The following IMMT variants were observed in gnomAD, a reference collection of about 807,000 sequenced individuals.
IMMT encodes inner membrane mitochondrial protein.
Under a neutral mutation model 92.7 loss-of-function variants are expected in IMMT, and 40 were observed. That is an observed-to-expected ratio of 0.43 (90% confidence interval 0.34 to 0.56). IMMT has a LOEUF of 0.56. Among genes scored for constraint, IMMT ranks in the 20% least tolerant of loss-of-function variants. The pLI is 0.03. For missense variants in IMMT, 831 were observed against 912.1 expected (o/e 0.91, Z 1.14); for synonymous variants, 322 against 336.1 (o/e 0.96, Z 0.46).
At chr2:86,157,828 A>C (rs1431308422) in intron 10 of IMMT, among the ~76,000 whole-genome samples, 1 of 151,666 alleles carries the variant, frequency 6.6e-6, no homozygotes, top group East Asian at 1.9e-4. Context: ...GGTACAAAAA[A>C]TTAGCCTGGT....
chr2:86,173,791 G>C, intron 3 of IMMT, 30 bp from the exon 4 acceptor site: 5 of 1,166,946 alleles, frequency 4.3e-6, no homozygotes, highest in Non-Finnish European at 6.3e-6. Flanking sequence ...TAACATTTCA[G>C]ATATACTACT....
intron 10 of IMMT, among the ~76,000 whole-genome samples, chr2:86,156,856 A>G (rs965547059): frequency 6.6e-6 from 1 of 152,198 alleles, no homozygotes; most frequent in Non-Finnish European, 1.5e-5. Flanking sequence ...ATTTATGCCA[A>G]GGAGCTTACA....
In IMMT at chr2:86,146,052, CAT is replaced by C. The variant is rs1403472299; in HGVS notation, c.1663+14_1663+15del. On this transcript the variant is annotated intron_variant, in intron 14 of 14. Coordinates refer to ENST00000410111, the MANE Select transcript of IMMT (RefSeq NM_006839.3). Reference sequence around the variant, plus strand: ...TGAGGAAAATTATCTGTAAGATAAACATAGCTTATGCTTACTCTGAACAGCCT... The same window carrying C: ...TGAGGAAAATTATCTGTAAGATAAACAGCTTATGCTTACTCTGAACAGCCT... 5 of 1,500,778 alleles carry C rather than the reference CAT, an allele frequency of 3.3e-6. No individual in the cohort carries two copies. Among genetic ancestry groups the C allele is most frequent in the East Asian group, 2.4e-5 (1 of 42,462 alleles). The allele number at this position is 1,500,778 out of a possible 1,614,324, so 93.0% of individuals were successfully genotyped here.
chr2:86,191,585 A>G (rs568735006), intron 1 of IMMT, among the ~76,000 whole-genome samples: 3 of 152,050 alleles, frequency 2.0e-5, no homozygotes, highest in East Asian at 2.0e-4. Flanking sequence ...GCCAGTCTCC[A>G]TAACTGTGTG....
chr2:86,145,392 G>T (rs972979220), intron 14 of IMMT, among the ~76,000 whole-genome samples: 6 of 150,978 alleles, frequency 4.0e-5, no homozygotes, highest in Non-Finnish European at 8.8e-5. Context: ...CTACTCAGGA[G>T]TCTGAGGCAG....
At chr2:86,158,397 C>T (rs1676013161) in intron 10 of IMMT, 195 bp downstream of exon 10, 1 of 422,214 alleles carries the variant, frequency 2.4e-6, no homozygotes, top group Non-Finnish European at 4.4e-6. Context: ...CTCATGTTCA[C>T]CACAGCTAAA....
At chr2:86,148,720 C>T (rs548640520) in intron 12 of IMMT, among the ~76,000 whole-genome samples, 1 of 152,188 alleles carries the variant, frequency 6.6e-6, no homozygotes, top group East Asian at 1.9e-4. Flanking sequence ...AATTTAAATT[C>T]AACATGGGCC....
chr2:86,186,263 G>T (rs1359521992), intron 1 of IMMT, among the ~76,000 whole-genome samples: 2 of 152,158 alleles, frequency 1.3e-5, no homozygotes, highest in African/African-American at 4.8e-5. Context: ...CTTGGAGAAG[G>T]TTGTGAGTGG....
At chr2:86,179,175 G>C (rs1677661265) in intron 3 of IMMT, among the ~76,000 whole-genome samples, 1 of 152,130 alleles carries the variant, frequency 6.6e-6, no homozygotes, top group Non-Finnish European at 1.5e-5. Flanking sequence ...TGAAAATTTA[G>C]ACAGCATTTA....
chr2:86,160,775 A>C (rs1163480788), intron 8 of IMMT, among the ~76,000 whole-genome samples: 1 of 152,228 alleles, frequency 6.6e-6, no homozygotes, highest in Non-Finnish European at 1.5e-5. Context: ...TACCTATTAC[A>C]TACCCACTAT....
chr2:86,183,344 T>C (rs1036604241), intron 1 of IMMT, among the ~76,000 whole-genome samples: 3 of 152,200 alleles, frequency 2.0e-5, no homozygotes, highest in Non-Finnish European at 1.5e-5. Context: ...GGTCTTGCTA[T>C]GTTGACCAGG....
At chr2:86,151,579 A>G in intron 11 of IMMT, 59 bp from the exon 12 acceptor site, 1 of 1,221,206 alleles carries the variant, frequency 8.2e-7, no homozygotes, top group African/African-American at 1.5e-5. Flanking sequence ...CCTCATTACA[A>G]GGTAATCTGC....
At chr2:86,175,217 G>C (rs975430175) in intron 3 of IMMT, among the ~76,000 whole-genome samples, 3 of 151,930 alleles carry the variant, frequency 2.0e-5, no homozygotes, top group Non-Finnish European at 2.9e-5. Flanking sequence ...AAATGTTCTT[G>C]AGTAGTCTTG....
rs192973392 is a variant in IMMT, at chr2:86,174,824, T to C, written c.310-1063A>G. On this transcript the variant is annotated intron_variant, in intron 3 of 14. Transcript: ENST00000410111. ...TGCATAATATCCTCATATAACGATT[T>C]CCCATAATTTGGTCAACTTCTCCTC... Among the ~76,000 whole-genome samples, 180 of 152,348 alleles carry C rather than the reference T, an allele frequency of 1.2e-3. 1 individual carries two copies. Among genetic ancestry groups the C allele is most frequent in the African/African-American group, 4.1e-3 (170 of 41,592 alleles).
At chr2:86,189,478 G>A (rs1023951690) in intron 1 of IMMT, among the ~76,000 whole-genome samples, 3 of 152,048 alleles carry the variant, frequency 2.0e-5, no homozygotes, top group African/African-American at 2.4e-5. Context: ...CAAGTGTTCC[G>A]CCCCATGATT....
intron 6 of IMMT, among the ~76,000 whole-genome samples, chr2:86,168,736 A>G (rs1235281471): frequency 6.6e-6 from 1 of 152,244 alleles, no homozygotes; most frequent in Non-Finnish European, 1.5e-5. Flanking sequence ...CAATGAACAA[A>G]TGGAATCTGA....
At chr2:86,146,832 C>T (rs1675053911) in intron 13 of IMMT, among the ~76,000 whole-genome samples, 1 of 152,160 alleles carries the variant, frequency 6.6e-6, no homozygotes, top group South Asian at 2.1e-4. Flanking sequence ...ACAACCTCAG[C>T]TCACTGCAAC....
chr2:86,158,234 G>GT (rs1485424413), intron 10 of IMMT: 1 of 160,280 alleles, frequency 6.2e-6, no homozygotes, highest in East Asian at 1.7e-4. Context: ...AAGTAATAAG[G>GT]TTTTTTAATA....
chr2:86,161,915 C>T, intron 8 of IMMT, 61 bp downstream of exon 8: 2 of 1,051,742 alleles, frequency 1.9e-6, no homozygotes, highest in Admixed American at 2.0e-5. Context: ...ACAAAGAAAA[C>T]CCGGCCCAAA....
Sources: gnomAD v4.1 joint callset for allele counts (sites outside exome capture counted in the v4.1 genomes callset) on GRCh38, gnomAD v4.1.1 for gene constraint, MANE v1.5 for transcripts, NCBI Gene and HGNC (gene_info 2026-07-23, HGNC 2026-07-21) for gene names.